EPHA7: variants seen among roughly 807,000 people sequenced by gnomAD.
EPHA7 encodes EPH receptor A7.
A neutral mutation model predicts 112.6 loss-of-function variants in EPHA7; 25 were observed. The observed-to-expected ratio is 0.22, with a 90% CI of 0.16 to 0.31. EPHA7 has a LOEUF of 0.31. Ranked by LOEUF, EPHA7 falls within the 10% of genes least tolerant of loss-of-function variation. The pLI is 1.00. For missense variants in EPHA7, 962 were observed against 1,212.6 expected, an observed-to-expected ratio of 0.79 and a Z score of 3.07; for synonymous variants, 437 against 406.5, an observed-to-expected ratio of 1.07 and a Z score of -0.90.
intron 5 of EPHA7, among the ~76,000 whole-genome samples, chr6:93,328,391 G>A (rs145066106): frequency 1.3e-5 from 2 of 151,478 alleles, no homozygotes; most frequent in East Asian, 3.9e-4. Flanking sequence ...CCAGCATCTA[G>A]AGTAATGTAT....
At chr6:93,419,209 TAA>T (rs1359076067) in intron 1 of EPHA7, 34 bp downstream of exon 1, 2 of 1,564,368 alleles carry the variant, frequency 1.3e-6, no homozygotes, top group Admixed American at 1.7e-5. Context: ...TCTAAATAAA[TAA>T]GTCAGAACAA....
intron 2 of EPHA7, among the ~76,000 whole-genome samples, chr6:93,412,593 C>CA (rs1779030635): frequency 6.6e-6 from 1 of 152,040 alleles, no homozygotes; most frequent in Admixed American, 6.5e-5. Context: ...GACTAGTTAA[C>CA]AGTGTGCCTA....
chr6:93,395,128 A>T (rs2127984338), intron 3 of EPHA7, among the ~76,000 whole-genome samples: 1 of 151,972 alleles, frequency 6.6e-6, no homozygotes, highest in South Asian at 2.1e-4. Context: ...GAAAATCTTG[A>T]TTTAAAGACT....
At chr6:93,324,366 T>C (rs992974317) in intron 5 of EPHA7, among the ~76,000 whole-genome samples, 1 of 151,396 alleles carries the variant, frequency 6.6e-6, no homozygotes, top group Non-Finnish European at 1.5e-5. Flanking sequence ...AAAATAAAAT[T>C]GATCCTCATA....
At chr6:93,396,289 C>T (rs1778168521) in intron 3 of EPHA7, among the ~76,000 whole-genome samples, 1 of 151,658 alleles carries the variant, frequency 6.6e-6, no homozygotes, top group African/African-American at 2.4e-5. Flanking sequence ...AAAAAATGTA[C>T]TTTTCTAGTC....
chr6:93,329,582 C>T (rs1189509953), intron 5 of EPHA7, among the ~76,000 whole-genome samples: 1 of 151,138 alleles, frequency 6.6e-6, no homozygotes, highest in African/African-American at 2.4e-5. Context: ...CACAGCTATT[C>T]TTTGTATACT....
chr6:93,246,450 A>T (rs960936236), intron 15 of EPHA7, among the ~76,000 whole-genome samples: 1 of 152,198 alleles, frequency 6.6e-6, no homozygotes, highest in Non-Finnish European at 1.5e-5. Flanking sequence ...AAACAAGGAC[A>T]ACAGTAATAA....
At chr6:93,304,284 A>T (rs562038300) in intron 5 of EPHA7, among the ~76,000 whole-genome samples, 34 of 152,070 alleles carry the variant, frequency 2.2e-4, no homozygotes, top group Non-Finnish European at 4.9e-4. Context: ...GAACTTGATT[A>T]TTTGTGATTT....
chr6:93,415,152 A>G (rs966624426), intron 1 of EPHA7, among the ~76,000 whole-genome samples: 1 of 152,012 alleles, frequency 6.6e-6, no homozygotes, highest in Non-Finnish European at 1.5e-5. Flanking sequence ...TATAATTCCT[A>G]TATTACTCTT....
intron 5 of EPHA7, among the ~76,000 whole-genome samples, chr6:93,296,305 G>A (rs530752296): frequency 3.3e-5 from 5 of 151,104 alleles, no homozygotes; most frequent in Non-Finnish European, 7.4e-5. Context: ...CAAAGGGAAT[G>A]AAATTACCAC....
chr6:93,314,356 T>C (rs1296835730), intron 5 of EPHA7, among the ~76,000 whole-genome samples: 3 of 152,328 alleles, frequency 2.0e-5, no homozygotes, highest in African/African-American at 7.2e-5. Flanking sequence ...CTTATTACTA[T>C]TGTGATTACA....
intron 5 of EPHA7, among the ~76,000 whole-genome samples, chr6:93,317,726 C>T (rs927361734): frequency 2.0e-5 from 3 of 152,080 alleles, no homozygotes; most frequent in African/African-American, 7.2e-5. Flanking sequence ...AACCAACCCA[C>T]CTCCAACCCC....
chr6:93,243,452 A>C lies in EPHA7; in HGVS notation c.2971T>G (p.Leu991Val). Residue 991 changes from leucine to valine, a missense_variant, in exon 17 of 17, where the codon TTA becomes GTA. Transcript: ENST00000369303. Reference protein sequence around the residue: ...IQTMRAQMLHLHGTGIQV With the variant: ...IQTMRAQMLHVHGTGIQV Reference sequence around the variant, plus strand: ...CACACTTGAATGCCAGTTCCATGTAAATGTAGCATTTGTGCTCTCATAGTC... The same window carrying C: ...CACACTTGAATGCCAGTTCCATGTACATGTAGCATTTGTGCTCTCATAGTC... 1 of 1,613,350 alleles carries C rather than the reference A, an allele frequency of 6.2e-7. No individual in the cohort carries two copies.
At chr6:93,349,652 T>G (rs749575786) in intron 5 of EPHA7, among the ~76,000 whole-genome samples, 27 of 151,902 alleles carry the variant, frequency 1.8e-4, no homozygotes, top group Non-Finnish European at 3.4e-4. Context: ...TATTACTTTA[T>G]ATAACCAATA....
intron 5 of EPHA7, among the ~76,000 whole-genome samples, chr6:93,350,589 T>C (rs1775640524): frequency 6.6e-6 from 1 of 152,014 alleles, no homozygotes; most frequent in African/African-American, 2.4e-5. Flanking sequence ...AAATTGATGA[T>C]GGGGATAAAA....
chr6:93,255,240 C>G (rs1032480120), intron 13 of EPHA7, among the ~76,000 whole-genome samples: 3 of 151,844 alleles, frequency 2.0e-5, no homozygotes, highest in Non-Finnish European at 1.5e-5. Flanking sequence ...CCTAGCTACT[C>G]GGAAGGCTGA....
chr6:93,358,197 C>A, intron 4 of EPHA7, 59 bp downstream of exon 4: 1 of 1,322,968 alleles, frequency 7.6e-7, no homozygotes, highest in Non-Finnish European at 1.0e-6. Context: ...ATTGATGTCA[C>A]AACAGTACAA....
Position 93,330,643 on chromosome 6 carries a change from C to G in EPHA7, c.1324+26074G>C, listed in dbSNP as rs187848370. 3.4e-4 allele frequency among the ~76,000 whole-genome samples: 51 copies of G among 151,298 alleles called. 1 individual carries two copies. Among genetic ancestry groups the G allele is most frequent in the African/African-American group, 1.2e-3 (50 of 41,420 alleles). On this transcript the variant is annotated intron_variant, in intron 5 of 16. Transcript: ENST00000369303. ...TTCTTTTTTATGGCTGAATAGTATA[C>G]CATTATGTAGATATATACCACATTT...
At chr6:93,293,823 T>C (rs1772511400) in intron 5 of EPHA7, among the ~76,000 whole-genome samples, 1 of 152,210 alleles carries the variant, frequency 6.6e-6, no homozygotes, top group African/African-American at 2.4e-5. Flanking sequence ...TTCCTTTGTC[T>C]TGTCTTTGTT....
Sources: gnomAD v4.1 joint callset for allele counts (sites outside exome capture counted in the v4.1 genomes callset) on GRCh38, gnomAD v4.1.1 for gene constraint, MANE v1.5 for transcripts, NCBI Gene and HGNC (gene_info 2026-07-23, HGNC 2026-07-21) for gene names.